The following GNG4 variants were observed in gnomAD, a reference collection of about 807,000 sequenced individuals.
GNG4 encodes guanine nucleotide-binding protein G(I)/G(S)/G(O) subunit gamma-4.
In GNG4, 4 loss-of-function variants were observed where a neutral mutation model predicts 5.8. The ratio of observed to expected loss-of-function variants is 0.69; its 90% CI spans 0.34 to 1.57. The LOEUF (loss-of-function observed/expected upper bound fraction) is 1.57. Ranked by LOEUF, GNG4 falls within the 40% of genes most tolerant of loss-of-function variation. The pLI, the probability that GNG4 is intolerant of heterozygous loss-of-function variation, is 0.06. For missense variants in GNG4, 96 were observed against 95.1 expected, an observed-to-expected ratio of 1.01 and a Z score of -0.04; for synonymous variants, 29 against 32.9, an observed-to-expected ratio of 0.88 and a Z score of 0.41.
rs375552382 is a variant in GNG4 at position 235,632,653 on chromosome 1, T to A, written c.-123+17009A>T. ...CTTTGTGTTTTAGTCTTCCCTTTTGTAACTGTCTGTCGTCTTCCTGCCCCA... is the reference window on the plus strand; with the variant it reads ...CTTTGTGTTTTAGTCTTCCCTTTTGAAACTGTCTGTCGTCTTCCTGCCCCA... On this transcript the variant is annotated intron_variant, in intron 1 of 3. Transcript: ENST00000391854. 1.4e-4 allele frequency among the ~76,000 whole-genome samples: 22 copies of A among 152,292 alleles called. No individual in the cohort carries two copies. In the South Asian group the frequency reaches 4.6e-3, roughly 32 times the overall value.
At chr1:235,639,356 G>A (rs1657245489) in intron 1 of GNG4, among the ~76,000 whole-genome samples, 1 of 152,186 alleles carries the variant, frequency 6.6e-6, no homozygotes, top group African/African-American at 2.4e-5. Context: ...TAATTAATGT[G>A]AGCCATAATC....
At chr1:235,618,446 A>G (rs1688641226) in intron 1 of GNG4, among the ~76,000 whole-genome samples, 1 of 152,178 alleles carries the variant, frequency 6.6e-6, no homozygotes, top group Admixed American at 6.5e-5. Context: ...GCTTCAAGGA[A>G]AGCTAATCTG....
chr1:235,582,103 T>C (rs1687651471), intron 3 of GNG4, among the ~76,000 whole-genome samples: 1 of 152,210 alleles, frequency 6.6e-6, no homozygotes, highest in Non-Finnish European at 1.5e-5. Flanking sequence ...TTTCTTGGTG[T>C]GTTTGCCTCC....
At chr1:235,625,506 T>C (rs1688791523) in intron 1 of GNG4, among the ~76,000 whole-genome samples, 1 of 152,218 alleles carries the variant, frequency 6.6e-6, no homozygotes, top group Non-Finnish European at 1.5e-5. Context: ...CTTTGACAGA[T>C]GTCTAATGAC....
At chr1:235,579,606 T>C (rs1571890645) in intron 3 of GNG4, among the ~76,000 whole-genome samples, 1 of 151,824 alleles carries the variant, frequency 6.6e-6, no homozygotes, top group African/African-American at 2.4e-5. Flanking sequence ...ATCCCAGCAC[T>C]TAGAGAGGCC....
At chr1:235,594,572 C>A (rs1373623926) in intron 2 of GNG4, among the ~76,000 whole-genome samples, 2 of 152,318 alleles carry the variant, frequency 1.3e-5, no homozygotes, top group African/African-American at 2.4e-5. Context: ...CCGAGCCCTG[C>A]CCCGCAGGGA....
chr1:235,574,599 G>A (rs1320925812), intron 3 of GNG4, among the ~76,000 whole-genome samples: 1 of 152,030 alleles, frequency 6.6e-6, no homozygotes, highest in South Asian at 2.1e-4. Context: ...AATTATCAAC[G>A]GAATAAAGAG....
At chr1:235,635,032 T>C (rs1316032541) in intron 1 of GNG4, among the ~76,000 whole-genome samples, 1 of 152,156 alleles carries the variant, frequency 6.6e-6, no homozygotes, top group East Asian at 1.9e-4. Flanking sequence ...AGACAGTGAA[T>C]AAATTTAGAA....
At chr1:235,628,350 CAGGACCGGAG>C (rs1688860560) in intron 1 of GNG4, among the ~76,000 whole-genome samples, 1 of 151,508 alleles carries the variant, frequency 6.6e-6, no homozygotes. Context: ...GCATTGCCTG[CAGGACCGGAG>C]AGTGACCCTC....
chr1:235,600,129 T>TTTTTTTTTTTTTTA (rs1289825136), intron 1 of GNG4, among the ~76,000 whole-genome samples: 2 of 113,016 alleles, frequency 1.8e-5, no homozygotes, highest in African/African-American at 6.8e-5. Context: ...TTTTTTTTTT[T>TTTTTTTTTTTTTTA]AGACAGGCAG....
chr1:235,639,698 G>T (rs1657259723), intron 1 of GNG4, among the ~76,000 whole-genome samples: 1 of 152,202 alleles, frequency 6.6e-6, no homozygotes, highest in African/African-American at 2.4e-5. Flanking sequence ...TAGAGACGGG[G>T]TTTCACCCAC....
intron 1 of GNG4, among the ~76,000 whole-genome samples, chr1:235,624,895 T>C (rs905503708): frequency 2.0e-5 from 3 of 152,226 alleles, no homozygotes; most frequent in African/African-American, 7.2e-5. Context: ...TGCTGGTAAA[T>C]TGCAGCTTGT....
chr1:235,650,427 C>T (rs1423240095), upstream of GNG4: 1 of 152,414 alleles, frequency 6.6e-6, no homozygotes, highest in African/African-American at 2.4e-5. Context: ...CAGGTACCGC[C>T]CTCGCTCGGG....
At chr1:235,570,414 T>TTTTTA (rs1687303351) in intron 3 of GNG4, among the ~76,000 whole-genome samples, 1 of 149,422 alleles carries the variant, frequency 6.7e-6, no homozygotes, top group African/African-American at 2.5e-5. Flanking sequence ...TTTTTTTTTT[T>TTTTTA]GAGACGGAGT....
intron 3 of GNG4, among the ~76,000 whole-genome samples, chr1:235,560,036 A>C (rs777982288): frequency 3.3e-5 from 5 of 152,190 alleles, no homozygotes; most frequent in Non-Finnish European, 7.3e-5. Context: ...CTGACTGACT[A>C]TCTCTCAGTT....
At chr1:235,587,577 GTGGCGGTGA>G (rs1687829534) in intron 2 of GNG4, among the ~76,000 whole-genome samples, 3 of 88,930 alleles carry the variant, frequency 3.4e-5, no homozygotes, top group Non-Finnish European at 5.1e-5. Context: ...AGGGTGTGGG[GTGGCGGTGA>G]GTGTGAGTGT....
chr1:235,628,419 G>C (rs375829114), intron 1 of GNG4, among the ~76,000 whole-genome samples: 5 of 150,242 alleles, frequency 3.3e-5, no homozygotes, highest in East Asian at 3.9e-4. Flanking sequence ...TAGGAGACGG[G>C]GGGGGGTTAC....
At chr1:235,617,311 G>A (rs1378602569) in intron 1 of GNG4, among the ~76,000 whole-genome samples, 1 of 152,182 alleles carries the variant, frequency 6.6e-6, no homozygotes, top group African/African-American at 2.4e-5. Context: ...ACAGATGACA[G>A]GGTGAGAGGG....
intron 1 of GNG4, chr1:235,616,140 CCTG>C (rs1253612286): frequency 8.1e-6 from 4 of 493,740 alleles, no homozygotes; most frequent in South Asian, 1.5e-5. Flanking sequence ...CCCCCTTCCG[CCTG>C]CTGCTATGTG....
Sources: allele counts gnomAD v4.1 joint callset (sites outside exome capture counted in the v4.1 genomes callset), GRCh38; gene constraint gnomAD v4.1.1; transcripts MANE v1.5; gene names NCBI Gene and HGNC (gene_info 2026-07-23, HGNC 2026-07-21).